The following MYO16 variants were observed in gnomAD, a reference collection of about 807,000 sequenced individuals.
MYO16 encodes unconventional myosin-XVI.
In MYO16, 94 loss-of-function variants were observed where a neutral mutation model predicts 205.3. The ratio of observed to expected loss-of-function variants is 0.46; its 90% confidence interval spans 0.39 to 0.54. MYO16 has a LOEUF of 0.54. MYO16 is among the 20% of genes least tolerant of loss of function. MYO16 has a pLI of 0.00. For missense variants in MYO16, 2,315 were observed against 2,387.5 expected (o/e 0.97, Z 0.63); for synonymous variants, 988 against 954.0 (o/e 1.04, Z -0.66).
At chr13:108,979,395 A>C (rs1246919013) in intron 20 of MYO16, among the ~76,000 whole-genome samples, 1 of 152,010 alleles carries the variant, frequency 6.6e-6, no homozygotes, top group Non-Finnish European at 1.5e-5. Flanking sequence ...AGTTCTAAAT[A>C]TTTTGTCTTT....
chr13:108,713,708 G>A (rs1213543103), intron 3 of MYO16, among the ~76,000 whole-genome samples: 13 of 152,216 alleles, frequency 8.5e-5, no homozygotes, highest in Admixed American at 8.5e-4. Flanking sequence ...GATCTGGAAT[G>A]CAAGTTATTA....
At chr13:108,690,420 G>A (rs1047641154) in intron 2 of MYO16, among the ~76,000 whole-genome samples, 2 of 46,924 alleles carry the variant, frequency 4.3e-5, no homozygotes, top group African/African-American at 2.2e-4. Flanking sequence ...CTGCCACCAC[G>A]AGCTATGGGG....
chr13:108,976,109 G>A (rs1884245927), intron 20 of MYO16, among the ~76,000 whole-genome samples: 1 of 152,100 alleles, frequency 6.6e-6, no homozygotes, highest in Non-Finnish European at 1.5e-5. Context: ...TGATAGAAAA[G>A]CAGAGCAATA....
At chr13:108,741,937 C>T (rs9514892) in intron 4 of MYO16, among the ~76,000 whole-genome samples, 149,530 of 152,290 alleles carry the variant, frequency 0.98, 73,458 homozygotes, top group Middle Eastern at 1. Context: ...TATTATCTCA[C>T]TGGGTATGAA....
chr13:108,589,365 A>G, the MYO16 span, among the ~76,000 whole-genome samples: 1 of 152,012 alleles, frequency 6.6e-6, no homozygotes, highest in Non-Finnish European at 1.5e-5. Context: ...ATTGTGCTAC[A>G]TTTCCCAGTA....
intron 16 of MYO16, among the ~76,000 whole-genome samples, chr13:108,919,663 C>G (rs1187081196): frequency 6.6e-6 from 1 of 152,208 alleles, no homozygotes; most frequent in Non-Finnish European, 1.5e-5. Flanking sequence ...GTCAAACACT[C>G]CAGCCTCACT....
chr13:108,904,072 T>A (rs1296713334), intron 15 of MYO16, among the ~76,000 whole-genome samples: 5 of 152,152 alleles, frequency 3.3e-5, no homozygotes, highest in Non-Finnish European at 7.4e-5. Context: ...CTTTTATAAT[T>A]TAATGTCAAT....
chr13:109,135,065 G>A lies in MYO16; in HGVS notation c.4052-5199G>A, dbSNP rs148821777. On this transcript the variant is annotated intron_variant, in intron 31 of 34. Coordinates refer to ENST00000457511, the MANE Select transcript of MYO16 (RefSeq NM_001198950.3). ...CGGTACGATTCCTGAGAGAGACAGCGCCTCAAGTGTGTCCTCTTCTAACTG... is the reference window on the plus strand; with the variant it reads ...CGGTACGATTCCTGAGAGAGACAGCACCTCAAGTGTGTCCTCTTCTAACTG... 2.4e-4 allele frequency among the ~76,000 whole-genome samples: 37 copies of A among 152,272 alleles called. No individual in the cohort carries two copies. In the Middle Eastern group the frequency reaches 0.01, roughly 42 times the overall value.
chr13:108,811,948 T>C (rs530540745), intron 7 of MYO16, among the ~76,000 whole-genome samples: 10 of 152,226 alleles, frequency 6.6e-5, no homozygotes, highest in Non-Finnish European at 1.0e-4. Context: ...AAAATACTTA[T>C]TCCTTAGCAC....
chr13:108,794,258 C>T (rs1886712636), intron 6 of MYO16, among the ~76,000 whole-genome samples: 1 of 152,144 alleles, frequency 6.6e-6, no homozygotes. Flanking sequence ...ATAATCTGTA[C>T]ATCAAGCCAC....
chr13:108,987,450 G>A (rs868600518), intron 20 of MYO16, among the ~76,000 whole-genome samples: 3 of 152,154 alleles, frequency 2.0e-5, no homozygotes, highest in Non-Finnish European at 2.9e-5. Flanking sequence ...ATTTAAGCAG[G>A]GTTCACCTCC....
the MYO16 span, among the ~76,000 whole-genome samples, chr13:108,542,897 T>G: frequency 6.6e-6 from 1 of 151,356 alleles, no homozygotes; most frequent in East Asian, 1.9e-4. Flanking sequence ...ATTTATTTTA[T>G]AATAATGTGA....
intron 30 of MYO16, among the ~76,000 whole-genome samples, chr13:109,126,052 C>T (rs1876232344): frequency 6.6e-6 from 1 of 152,188 alleles, no homozygotes; most frequent in African/African-American, 2.4e-5. Context: ...GACCTTAATT[C>T]ATCGTCAGGG....
intron 2 of MYO16, among the ~76,000 whole-genome samples, chr13:108,677,126 G>T (rs1279273152): frequency 6.6e-6 from 1 of 152,026 alleles, no homozygotes; most frequent in Non-Finnish European, 1.5e-5. Context: ...TGTTCTAAGT[G>T]CTGGGGATGT....
At chr13:109,193,507 A>G (rs1275640003) in intron 34 of MYO16, among the ~76,000 whole-genome samples, 1 of 152,154 alleles carries the variant, frequency 6.6e-6, no homozygotes, top group Non-Finnish European at 1.5e-5. Context: ...TATTTTCTTC[A>G]TTCATATTTG....
At chr13:108,607,039 C>T (rs147894443) in intron 1 of MYO16, among the ~76,000 whole-genome samples, 5 of 152,276 alleles carry the variant, frequency 3.3e-5, no homozygotes, top group African/African-American at 9.6e-5. Context: ...TTTGTTTTGG[C>T]CAACTTCTTC....
the MYO16 span, among the ~76,000 whole-genome samples, chr13:108,508,948 C>A: frequency 1.3e-5 from 2 of 152,334 alleles, no homozygotes; most frequent in East Asian, 3.9e-4. Context: ...AGATGTTCTG[C>A]AAACTTTCCT....
chr13:108,788,658 A>G (rs901528774), intron 5 of MYO16, among the ~76,000 whole-genome samples: 1 of 152,216 alleles, frequency 6.6e-6, no homozygotes, highest in African/African-American at 2.4e-5. Context: ...AGTTCCTAGT[A>G]TCCTGTGGTT....
chr13:109,202,788 T>G (rs1880447960), intron 34 of MYO16, among the ~76,000 whole-genome samples: 1 of 152,182 alleles, frequency 6.6e-6, no homozygotes, highest in South Asian at 2.1e-4. Flanking sequence ...CATCACATTA[T>G]CTGATTTCAA....
Sources: allele counts gnomAD v4.1 joint callset (sites outside exome capture counted in the v4.1 genomes callset), GRCh38; gene constraint gnomAD v4.1.1; transcripts MANE v1.5; gene names NCBI Gene and HGNC (gene_info 2026-07-23, HGNC 2026-07-21).